The following MMP8 variants were observed in gnomAD, a reference collection of about 807,000 sequenced individuals.
MMP8 encodes matrix metallopeptidase 8, also known as neutrophil collagenase.
A neutral mutation model predicts 51.2 loss-of-function variants in MMP8; 67 were observed. The observed-to-expected ratio is 1.31, with a 90% CI of 1.08 to 1.60. The LOEUF is 1.60. MMP8 is among the 40% of genes most tolerant of loss of function. The probability of loss-of-function intolerance (pLI) is 0.00; values close to 1 mark genes in which losing one functional copy is unlikely to be tolerated. For missense variants in MMP8, 654 were observed against 558.1 expected, an observed-to-expected ratio of 1.17 and a Z score of -1.73; for synonymous variants, 225 against 191.0, an observed-to-expected ratio of 1.18 and a Z score of -1.47.
chr11:102,713,685 G>T, intron 9 of MMP8, 69 bp downstream of exon 9: 1 of 1,335,956 alleles, frequency 7.5e-7, no homozygotes, highest in South Asian at 1.3e-5. Context: ...GGTCAGCATA[G>T]TAAGACCCTG....
At chr11:102,715,465 C>A (rs1227792814) in intron 6 of MMP8, 28 bp from the exon 7 acceptor site, 8 of 1,600,054 alleles carry the variant, frequency 5.0e-6, no homozygotes, top group Middle Eastern at 1.7e-4. Context: ...AACACACACA[C>A]ACACTTATAC....
chr11:102,714,594 T>C lies in MMP8; in HGVS notation c.1152A>G (p.Arg384=). The change falls in exon 8 of 10, where the codon AGA becomes AGG. Residue 384 remains arginine, a synonymous_variant. Coordinates refer to ENST00000236826, the MANE Select transcript of MMP8 (RefSeq NM_002424.3). The part of the protein sequence containing the change: ...VQAIDAAVFY[R]SKTYFFVNDQ... ...CATTTACAAAGAAGTATGTTTTACT[T>C]CTGTAGAAAACAGCTGCGTCAATTG... 1 of 1,517,616 alleles carries C rather than the reference T, an allele frequency of 6.6e-7. No individual in the cohort carries two copies. Among genetic ancestry groups the C allele is most frequent in the Non-Finnish European group, 8.8e-7 (1 of 1,135,806 alleles). The allele number at this position is 1,517,616 out of a possible 1,614,324, so 94.0% of individuals were successfully genotyped here. A position where few individuals can be genotyped will look rare whatever the true frequency, so the allele number is the denominator to read the frequency against.
intron 4 of MMP8, among the ~76,000 whole-genome samples, chr11:102,719,855 G>A (rs549727706): frequency 6.6e-6 from 1 of 152,334 alleles, no homozygotes; most frequent in South Asian, 2.1e-4. Flanking sequence ...AGTGAGTGAT[G>A]ACAGAGAAGG....
chr11:102,714,985 T>C (rs1381974354), intron 7 of MMP8, among the ~76,000 whole-genome samples: 1 of 151,984 alleles, frequency 6.6e-6, no homozygotes, highest in African/African-American at 2.4e-5. Context: ...TTAGTTTGTG[T>C]GACTTTTATG....
chr11:102,713,593 C>T (rs994214217), intron 9 of MMP8, 136 bp from the exon 10 acceptor site: 10 of 992,238 alleles, frequency 1.0e-5, no homozygotes, highest in South Asian at 6.4e-5. Flanking sequence ...ACACCAGGTG[C>T]GGTGGCTAAT....
intron 1 of MMP8, chr11:102,723,970 A>G: frequency 3.3e-6 from 1 of 301,458 alleles, no homozygotes; most frequent in Non-Finnish European, 7.1e-6. Context: ...ATAATGCTCC[A>G]ATAAGGTTCT....
chr11:102,713,296 T>A lies in MMP8; in HGVS notation c.*52A>T. The A allele has an allele frequency of 7.7e-7, 1 of 1,301,856 alleles. No homozygotes were observed. Among genetic ancestry groups the A allele is most frequent in the East Asian group, 2.3e-5 (1 of 43,268 alleles). 80.6% of individuals were successfully genotyped at this position (1,301,856 alleles called of 1,614,324 possible). On this transcript the variant is annotated 3_prime_UTR_variant, in exon 10 of 10. Coordinates refer to ENST00000236826, the MANE Select transcript of MMP8 (RefSeq NM_002424.3). ...GACACAATGTAACGAAAATGCTTGC[T>A]GAACTTCCCTTCAACATTCTGAAAG...
chr11:102,723,465 C>G, intron 1 of MMP8: 1 of 450,094 alleles, frequency 2.2e-6, no homozygotes, highest in Non-Finnish European at 4.4e-6. Flanking sequence ...ATAAAAGGGG[C>G]TGATTTTCTC....
At chr11:102,723,103 G>A (rs751766356) in intron 1 of MMP8, 1 of 1,229,990 alleles carries the variant, frequency 8.1e-7, no homozygotes, top group Non-Finnish European at 1.1e-6. Context: ...GAAGCACAGA[G>A]AATTAAGGAA....
chr11:102,720,741 G>A (rs1861444551), intron 4 of MMP8, among the ~76,000 whole-genome samples: 1 of 152,094 alleles, frequency 6.6e-6, no homozygotes, highest in Non-Finnish European at 1.5e-5. Context: ...AGAGCTCCAA[G>A]GAGATGAACT....
intron 6 of MMP8, 49 bp downstream of exon 6, chr11:102,716,253 A>G: frequency 1.6e-6 from 2 of 1,276,994 alleles, no homozygotes; most frequent in Non-Finnish European, 2.2e-6. Context: ...TCCAGTTTTA[A>G]GGTATGTCAG....
chr11:102,719,164 G>A (rs1449230490), intron 4 of MMP8, among the ~76,000 whole-genome samples: 1 of 152,148 alleles, frequency 6.6e-6, no homozygotes, highest in African/African-American at 2.4e-5. Flanking sequence ...CTTTCTCCAT[G>A]TTTTAACTTC....
chr11:102,724,701 C>T (rs1306885523), intron 1 of MMP8, 53 bp downstream of exon 1: 3 of 1,464,334 alleles, frequency 2.0e-6, no homozygotes, highest in East Asian at 2.4e-5. Flanking sequence ...ACAACCCACA[C>T]TATTTCCTAA....
Position 102,715,384 on chromosome 11 carries a change from GA to G in MMP8, c.955del (p.Ser319LeufsTer34). The G allele has an allele frequency of 1.9e-6, 3 of 1,613,696 alleles. No homozygotes were observed. The highest frequency in any genetic ancestry group is 2.5e-6 in the Non-Finnish European group (3 of 1,179,768). ...AGTTGGAAGGGATGGCCAGAATAGA[GA>G]AATAAAATTCATTTCGACTCTTTGT... ...QLQRVEMNFI[S>X]LFWPSLPTGI... On this transcript the variant is annotated frameshift_variant, in exon 7 of 10. Coordinates refer to ENST00000236826, the MANE Select transcript of MMP8 (RefSeq NM_002424.3). LOFTEE classifies it high-confidence loss of function.
In MMP8 at chr11:102,722,967, T is replaced by C. The variant is rs866028719; in HGVS notation, c.103-294A>G. The stretch of plus-strand genomic sequence containing the variant: ...TACAGTCAGGAGACTGTCTTCTTGT[T>C]TTTACAAAAAAATTAGGACTAACAT... On this transcript the variant is annotated intron_variant, in intron 1 of 9. Coordinates refer to ENST00000236826, the MANE Select transcript of MMP8 (RefSeq NM_002424.3). 6 of 1,321,032 alleles carry C rather than the reference T, an allele frequency of 4.5e-6. No homozygotes were observed. In the South Asian group the frequency reaches 6.2e-5, roughly 14 times the overall value. The allele number at this position is 1,321,032 out of a possible 1,614,324, so 81.8% of individuals were successfully genotyped here. A position where few individuals can be genotyped will look rare whatever the true frequency, so the allele number is the denominator to read the frequency against.
At chr11:102,720,498 T>A (rs906767412) in intron 4 of MMP8, among the ~76,000 whole-genome samples, 4 of 152,204 alleles carry the variant, frequency 2.6e-5, no homozygotes, top group Non-Finnish European at 4.4e-5. Context: ...AACATACCCA[T>A]GTTGAGAAAA....
Position 102,713,095 on chromosome 11 carries a change from A to T in MMP8, c.*253T>A, listed in dbSNP as rs1221232157. ...TATTGAAATAGTAAATATTGAGGTG[A>T]CAAAAAGGCTTACTTTCCTTCTCTT... is the stretch of plus-strand genomic sequence containing the variant. On this transcript the variant is annotated 3_prime_UTR_variant, in exon 10 of 10. Coordinates refer to ENST00000236826, the MANE Select transcript of MMP8 (RefSeq NM_002424.3). The T allele has an allele frequency of 1.1e-5, 4 of 350,252 alleles. No homozygotes were observed. The highest frequency in any genetic ancestry group is 2.1e-5 in the Non-Finnish European group (4 of 192,414). The allele number at this position is 350,252 out of a possible 1,614,324, so 21.7% of individuals were successfully genotyped here. A position where few individuals can be genotyped will look rare whatever the true frequency, so the allele number is the denominator to read the frequency against.
chr11:102,719,727 C>A (rs1179671253), intron 4 of MMP8, among the ~76,000 whole-genome samples: 3 of 152,182 alleles, frequency 2.0e-5, no homozygotes, highest in Non-Finnish European at 4.4e-5. Flanking sequence ...AGAAAAATAT[C>A]TTTGAATGCT....
Position 102,718,402 on chromosome 11 carries a change from A to G in MMP8, c.784+12T>C, listed in dbSNP as rs747213659. On this transcript the variant is annotated intron_variant, in intron 5 of 9. Coordinates refer to ENST00000236826, the MANE Select transcript of MMP8 (RefSeq NM_002424.3). The stretch of plus-strand genomic sequence containing the variant: ...CCTACCATGTACTATGACTCTCTTG[A>G]GAAGACCTTACCATAGATGGCCTGA... The G allele has an allele frequency of 1.1e-5, 17 of 1,605,124 alleles. No individual in the cohort carries two copies. The highest frequency in any genetic ancestry group is 2.7e-5 in the African/African-American group (2 of 74,788).
Sources: allele counts gnomAD v4.1 joint callset (sites outside exome capture counted in the v4.1 genomes callset), GRCh38; gene constraint gnomAD v4.1.1; transcripts MANE v1.5; gene names NCBI Gene and HGNC (gene_info 2026-07-23, HGNC 2026-07-21).